Variants in ARSD observed in about 807,000 individuals in gnomAD.
The protein encoded by ARSD is testis tissue sperm-binding protein Li 39a.
ARSD carries 21 observed loss-of-function variants against 32.6 expected under a neutral mutation model. That is an observed-to-expected ratio of 0.64 (90% CI 0.46 to 0.93). ARSD has a LOEUF of 0.93. Ranked by LOEUF, ARSD falls within the 40% of genes least tolerant of loss-of-function variation. The pLI, the probability that ARSD is intolerant of heterozygous loss-of-function variation, is 0.00. For missense variants in ARSD, 454 were observed against 520.9 expected (o/e 0.87, Z 1.25); for synonymous variants, 224 against 237.4 (o/e 0.94, Z 0.52).
chrX:2,912,265 C>G (rs2088908649), intron 6 of ARSD, among the ~76,000 whole-genome samples: 1 of 112,076 alleles, frequency 8.9e-6, no homozygotes, highest in Admixed American at 9.5e-5. Flanking sequence ...CTCCACAACC[C>G]CTTATCATAA....
At chrX:2,909,691 A>G in intron 8 of ARSD, 126 bp downstream of exon 8, 1 of 587,770 alleles carries the variant, frequency 1.7e-6, no homozygotes, top group Non-Finnish European at 2.3e-6. Context: ...CTCAAAAAAA[A>G]AAAAAAAAAA....
At chrX:2,927,250 T>TA (rs397698012) in intron 1 of ARSD, among the ~76,000 whole-genome samples, 12 of 107,236 alleles carry the variant, frequency 1.1e-4, no homozygotes, top group African/African-American at 2.1e-4. Flanking sequence ...CTTTTTTTTT[T>TA]AATTTTAATT....
At chrX:2,927,327 C>T (rs1238160837) in intron 1 of ARSD, among the ~76,000 whole-genome samples, 2 of 109,738 alleles carry the variant, frequency 1.8e-5, no homozygotes, top group Non-Finnish European at 3.8e-5. Flanking sequence ...TGGCATGATC[C>T]GGGCTCACTG....
At chrX:2,913,541 G>A (rs765782327) in intron 6 of ARSD, 265 of 979,018 alleles carry the variant, frequency 2.7e-4, no homozygotes, top group Middle Eastern at 3.0e-4. Context: ...TGCTTGTCTC[G>A]GGAGATATGT....
At chrX:2,916,131 C>CAAAAAAAAAAA (rs55848346) in intron 5 of ARSD, among the ~76,000 whole-genome samples, 1 of 38,262 alleles carries the variant, frequency 2.6e-5, no homozygotes, top group Non-Finnish European at 4.4e-5. Context: ...GACCCTGTCT[C>CAAAAAAAAAAA]AAAAAAAAAA....
chrX:2,916,045 C>T (rs373147888), intron 5 of ARSD, among the ~76,000 whole-genome samples: 30 of 101,477 alleles, frequency 3.0e-4, no homozygotes, highest in African/African-American at 9.5e-4. Context: ...GGTGGGAGGA[C>T]GGCTTGAGCC....
At chrX:2,923,231 TG>T in intron 2 of ARSD, 1 of 246,427 alleles carries the variant, frequency 4.1e-6, no homozygotes, top group Non-Finnish European at 7.8e-6. Context: ...CCCAGCACTT[TG>T]GGGGGCTAAG....
intron 9 of ARSD, 44 bp from the exon 10 acceptor site, chrX:2,907,676 C>T: frequency 3.7e-6 from 4 of 1,089,408 alleles, no homozygotes; most frequent in Non-Finnish European, 3.6e-6. Context: ...GAAATCCACG[C>T]AGGTGTGAAC....
chrX:2,913,083 A>G (rs757768076), intron 6 of ARSD, among the ~76,000 whole-genome samples: 72 of 112,081 alleles, frequency 6.4e-4, no homozygotes, highest in African/African-American at 2.2e-3. Context: ...TTGGTTTTGT[A>G]TACTTTAGGG....
At chrX:2,927,323 G>A (rs1468509052) in intron 1 of ARSD, among the ~76,000 whole-genome samples, 1 of 109,762 alleles carries the variant, frequency 9.1e-6, no homozygotes, top group East Asian at 2.8e-4. Flanking sequence ...TCAATGGCAT[G>A]ATCCGGGCTC....
chrX:2,911,240 G>A lies in ARSD; in HGVS notation c.1001-447C>T, dbSNP rs1396916926. ...CACAAAAATTAGGCAGGTGTGGGGG[G>A]TGCACGCCTGTAATCCCAGCTACTT... On this transcript the variant is annotated intron_variant, in intron 6 of 9. Transcript: ENST00000381154. Among the ~76,000 whole-genome samples the A allele has an allele frequency of 6.3e-5, 7 of 111,342 alleles. No homozygotes were observed. In the South Asian group the frequency reaches 2.3e-3, roughly 36 times the overall value.
At chrX:2,913,906 T>G in intron 6 of ARSD, 1 of 312,281 alleles carries the variant, frequency 3.2e-6, no homozygotes, top group Non-Finnish European at 4.5e-6. Context: ...TCACGAGATC[T>G]GGTTGTTTAA....
In ARSD at chrX:2,918,028, G is replaced by A. The variant is rs1415514662; in HGVS notation, c.639C>T (p.Thr213=). Residue 213 remains threonine, a synonymous_variant, in exon 5 of 10, where the codon ACC becomes ACT. Coordinates refer to ENST00000381154, the MANE Select transcript of ARSD (RefSeq NM_001669.4). The part of the protein sequence containing the change: ...YTQFLALGIL[T]LAAGQTCGFF... ...AACCGCAGGTCTGGCCGGCAGCCAG[G>A]GTGAGAATCCCCAGCGCCAGGAACT... The A allele has an allele frequency of 8.3e-7, 1 of 1,205,755 alleles. No homozygotes were observed. The highest frequency in any genetic ancestry group is 1.1e-6 in the Non-Finnish European group (1 of 892,337).
intron 6 of ARSD, chrX:2,913,798 C>A: frequency 3.6e-6 from 3 of 845,048 alleles, no homozygotes. Context: ...TCAGAATCGG[C>A]GGTGGGGCCT....
intron 4 of ARSD, 157 bp downstream of exon 4, chrX:2,920,444 C>A: frequency 1.5e-6 from 1 of 675,776 alleles, no homozygotes; most frequent in Non-Finnish European, 2.2e-6. Flanking sequence ...GATCTCGGCT[C>A]CCTGCAACCT....
At chrX:2,918,630 C>A (rs1023248890) in intron 4 of ARSD, among the ~76,000 whole-genome samples, 34 of 111,150 alleles carry the variant, frequency 3.1e-4, no homozygotes, top group Non-Finnish European at 6.0e-4. Context: ...GTCCCAGCTA[C>A]TCGGGAGGCT....
rs376848598 is a variant in ARSD, at chrX:2,909,898, C to T, written c.1217G>A (p.Arg406Gln). ...FHWPGVLPAGRVIGEPTSLMD... is the reference protein window; with the variant it reads ...FHWPGVLPAGQVIGEPTSLMD... Reference sequence around the variant, plus strand: ...CAGGCTCGTGGGCTCTCCAATCACTCGGCCGGCCGGGAGCACCCCCGGCCA... The same window carrying T: ...CAGGCTCGTGGGCTCTCCAATCACTTGGCCGGCCGGGAGCACCCCCGGCCA... The change falls in exon 8 of 10, where the codon CGA (arginine) becomes CAA (glutamine). Residue 406 changes from arginine (R) to glutamine (Q), a missense_variant. Coordinates refer to ENST00000381154, the MANE Select transcript of ARSD (RefSeq NM_001669.4). 31 of 1,208,382 alleles carry T rather than the reference C, an allele frequency of 2.6e-5. No homozygotes were observed. Among genetic ancestry groups the T allele is most frequent in the East Asian group, 5.9e-5 (2 of 33,694 alleles).
chrX:2,913,869 G>A (rs1569087237), intron 6 of ARSD: 3 of 424,379 alleles, frequency 7.1e-6, no homozygotes, highest in East Asian at 1.4e-4. Context: ...ACCATCCCCC[G>A]CTTGGTGCTG....
At chrX:2,914,797 C>A (rs761141543) in intron 6 of ARSD, 6 of 1,019,903 alleles carry the variant, frequency 5.9e-6, no homozygotes, top group Non-Finnish European at 7.7e-6. Flanking sequence ...TGATTTTGTG[C>A]AGAATTAGAC....
Sources: gnomAD v4.1 joint callset for allele counts (sites outside exome capture counted in the v4.1 genomes callset) on GRCh38, gnomAD v4.1.1 for gene constraint, MANE v1.5 for transcripts, NCBI Gene and HGNC (gene_info 2026-07-23, HGNC 2026-07-21) for gene names.